ZNF350: variants seen among roughly 807,000 people sequenced by gnomAD.
ZNF350 encodes the protein KRAB zinc finger protein ZFQR.
In ZNF350, 5 loss-of-function variants were observed where a neutral mutation model predicts 13.1. That is an observed-to-expected ratio of 0.38 (90% CI 0.20 to 0.80). The LOEUF (loss-of-function observed/expected upper bound fraction) is 0.80, where lower values mean the gene tolerates loss of function less well. ZNF350 is among the 30% of genes least tolerant of loss of function. ZNF350 has a pLI of 0.43. For missense variants in ZNF350, 534 were observed against 644.2 expected (o/e 0.83, Z 1.85); for synonymous variants, 199 against 224.2 (o/e 0.89, Z 1.00).
At chr19:51,978,662 T>C (rs1374658213) in intron 1 of ZNF350, among the ~76,000 whole-genome samples, 5 of 152,114 alleles carry the variant, frequency 3.3e-5, no homozygotes, top group African/African-American at 1.2e-4. Context: ...CTTATGGACA[T>C]GGGAGCTGAT....
chr19:51,967,821 C>T (rs992007642), intron 4 of ZNF350, among the ~76,000 whole-genome samples: 1 of 152,082 alleles, frequency 6.6e-6, no homozygotes. Context: ...CAGGAACAAA[C>T]GAAAATCCAA....
chr19:51,966,145 C>T lies in ZNF350; in HGVS notation c.308G>A (p.Cys103Tyr), dbSNP rs752261844. 1.2e-6 allele frequency: 2 copies of T among 1,613,790 alleles called. No individual in the cohort carries two copies. Among genetic ancestry groups the T allele is most frequent in the South Asian group, 2.2e-5 (2 of 90,912 alleles). The change falls in exon 5 of 5, where the codon TGT becomes TAT. Residue 103 changes from cysteine (C) to tyrosine (Y), a missense_variant. Physicochemically the swap from Cys to Tyr is radical, Grantham distance 194 (BLOSUM62 -2). Coordinates refer to ENST00000243644, the MANE Select transcript of ZNF350 (RefSeq NM_021632.4). ...SESLVNRRKPCHEHDAFENIV... is the reference protein window; with the variant it reads ...SESLVNRRKPYHEHDAFENIV... ...ATTTTCAAATGCATCATGTTCATGA[C>T]ATGGTTTCCTTCTGTTCACCAGGCT...
chr19:51,969,724 G>A (rs919506268), intron 2 of ZNF350, among the ~76,000 whole-genome samples: 1 of 152,162 alleles, frequency 6.6e-6, no homozygotes, highest in Non-Finnish European at 1.5e-5. Context: ...AGCTACTTGG[G>A]AGGCTGAGGC....
chr19:51,985,476 C>T (rs1033546455), intron 1 of ZNF350, among the ~76,000 whole-genome samples: 1 of 152,126 alleles, frequency 6.6e-6, no homozygotes, highest in African/African-American at 2.4e-5. Context: ...CAGAAACTCC[C>T]AGGCAGATTT....
At chr19:51,979,858 A>G (rs570540002) in intron 1 of ZNF350, among the ~76,000 whole-genome samples, 1 of 152,370 alleles carries the variant, frequency 6.6e-6, no homozygotes, top group East Asian at 1.9e-4. Context: ...ATACAACAGC[A>G]GAATCCAATC....
intron 1 of ZNF350, among the ~76,000 whole-genome samples, chr19:51,983,118 G>A (rs533570917): frequency 6.6e-6 from 1 of 152,368 alleles, no homozygotes; most frequent in African/African-American, 2.4e-5. Flanking sequence ...AACGTGTGCT[G>A]TGTTGGCTCA....
At chr19:51,979,900 G>A (rs985129135) in intron 1 of ZNF350, among the ~76,000 whole-genome samples, 2 of 152,208 alleles carry the variant, frequency 1.3e-5, no homozygotes, top group Admixed American at 6.5e-5. Flanking sequence ...TTGGCATGGA[G>A]CAGGCTTTAG....
intron 2 of ZNF350, 97 bp downstream of exon 2, chr19:51,974,249 A>G (rs2085824532): frequency 2.1e-6 from 3 of 1,406,606 alleles, no homozygotes; most frequent in South Asian, 1.3e-5. Context: ...GCTTTTTGAA[A>G]TTTATACTTT....
rs1568483879 is a variant in ZNF350, at chr19:51,975,438, A to AC, written c.-171-908_-171-907insG. The stretch of plus-strand genomic sequence containing the variant: ...GAGCGAAACCTCGTCTTAAAAAAAA[A>AC]AAAAAAAAAAAAAACTAGTAATTGT... On this transcript the variant is annotated intron_variant, in intron 1 of 4. Transcript: ENST00000243644. Among the ~76,000 whole-genome samples the AC allele has an allele frequency of 1.5e-4, 23 of 150,100 alleles. 1 individual carries two copies. Among genetic ancestry groups the AC allele is most frequent in the African/African-American group, 5.4e-4 (22 of 40,624 alleles).
At chr19:51,979,159 G>A (rs947019111) in intron 1 of ZNF350, among the ~76,000 whole-genome samples, 2 of 152,128 alleles carry the variant, frequency 1.3e-5, no homozygotes, top group South Asian at 4.1e-4. Flanking sequence ...ATAACCTGGG[G>A]ACAACTCAAG....
intron 1 of ZNF350, chr19:51,981,257 A>ACCCCCCCC (rs35435027): frequency 4.1e-5 from 6 of 147,068 alleles, no homozygotes; most frequent in African/African-American, 5.1e-5. Flanking sequence ...CCCTTCTTCC[A>ACCCCCCCC]CCCCCCCACC....
intron 1 of ZNF350, among the ~76,000 whole-genome samples, chr19:51,977,343 C>T (rs1216307972): frequency 6.6e-6 from 1 of 152,202 alleles, no homozygotes; most frequent in East Asian, 1.9e-4. Context: ...GTTTTTTACC[C>T]TTTGATGTGA....
intron 1 of ZNF350, among the ~76,000 whole-genome samples, chr19:51,978,741 TA>T (rs2085959473): frequency 6.6e-6 from 1 of 151,774 alleles, no homozygotes; most frequent in South Asian, 2.1e-4. Flanking sequence ...AAAAAGGGGG[TA>T]TAGGAGGCCA....
intron 1 of ZNF350, among the ~76,000 whole-genome samples, chr19:51,975,229 G>A (rs1037831562): frequency 2.0e-5 from 3 of 152,124 alleles, no homozygotes; most frequent in African/African-American, 7.2e-5. Context: ...AGCACTTTGG[G>A]ATGCCGAGGC....
intron 2 of ZNF350, among the ~76,000 whole-genome samples, chr19:51,969,977 C>T (rs1451880201): frequency 6.6e-6 from 1 of 152,112 alleles, no homozygotes; most frequent in African/African-American, 2.4e-5. Context: ...ACTGCAACCT[C>T]CGCCTCCCAG....
chr19:51,967,378 C>T (rs1451057595), intron 4 of ZNF350: 1 of 151,620 alleles, frequency 6.6e-6, no homozygotes, highest in Non-Finnish European at 1.5e-5. Flanking sequence ...GCGCTCCAGC[C>T]TGGGCACAGA....
chr19:51,975,259 A>AGGAGTCCGAGACC (rs2085852158), intron 1 of ZNF350, among the ~76,000 whole-genome samples: 1 of 152,084 alleles, frequency 6.6e-6, no homozygotes, highest in Non-Finnish European at 1.5e-5. Flanking sequence ...ACCTGACATC[A>AGGAGTCCGAGACC]GGAGTCCGAG....
At chr19:51,984,736 C>G (rs1160794259) in intron 1 of ZNF350, among the ~76,000 whole-genome samples, 1 of 152,154 alleles carries the variant, frequency 6.6e-6, no homozygotes, top group East Asian at 1.9e-4. Flanking sequence ...ATGCTTTTTA[C>G]ATTTTTGAAA....
intron 3 of ZNF350, 90 bp downstream of exon 3, chr19:51,968,915 G>C: frequency 6.2e-7 from 1 of 1,610,720 alleles, no homozygotes; most frequent in Non-Finnish European, 8.5e-7. Context: ...CCACTTCAGA[G>C]TACTGCAGGC....
Sources: allele counts gnomAD v4.1 joint callset (sites outside exome capture counted in the v4.1 genomes callset), GRCh38; gene constraint gnomAD v4.1.1; transcripts MANE v1.5; gene names NCBI Gene and HGNC (gene_info 2026-07-23, HGNC 2026-07-21).